Variants in ASB11 observed in about 807,000 individuals in gnomAD.
ASB11 encodes ankyrin repeat and SOCS box protein 11.
ASB11 carries 17 observed loss-of-function variants against 20.1 expected under a neutral mutation model. That is an observed-to-expected ratio of 0.85 (90% CI 0.58 to 1.27). The LOEUF is 1.27. Among genes scored for constraint, ASB11 ranks in the 50% most tolerant of loss-of-function variants. ASB11 has a pLI of 0.00. For missense variants in ASB11, 259 were observed against 256.9 expected, an observed-to-expected ratio of 1.01 and a Z score of -0.06; for synonymous variants, 107 against 105.6, an observed-to-expected ratio of 1.01 and a Z score of -0.08.
chrX:15,292,307 A>G (rs1228012615), intron 4 of ASB11, among the ~76,000 whole-genome samples: 1 of 112,048 alleles, frequency 8.9e-6, no homozygotes, highest in Non-Finnish European at 1.9e-5. Context: ...GAAATAAAAT[A>G]TTTCATCTCC....
In ASB11 at chrX:15,282,151, C is replaced by T. The variant is rs764550899; in HGVS notation, c.*1354G>A. Reference sequence around the variant, plus strand: ...GACAAATGTCTCAGTGGGAGTGGGGCAAAATTGTCTCCAGTTGAGAGCCAA... The same window carrying T: ...GACAAATGTCTCAGTGGGAGTGGGGTAAAATTGTCTCCAGTTGAGAGCCAA... On this transcript the variant is annotated 3_prime_UTR_variant, in exon 7 of 7. Transcript: ENST00000480796. The T allele has an allele frequency of 9.1e-6, 1 of 109,919 alleles. No individual in the cohort carries two copies. Among genetic ancestry groups the T allele is most frequent in the South Asian group, 3.9e-4 (1 of 2,533 alleles). The allele number at this position is 109,919 out of a possible 1,213,427, so 9.1% of individuals were successfully genotyped here.
rs979754018 is a variant in ASB11 at position 15,282,829 on chromosome X, A to G, written c.*676T>C. 1 of 106,710 alleles carries G rather than the reference A, an allele frequency of 9.4e-6. No individual in the cohort carries two copies. The highest frequency in any genetic ancestry group is 1.9e-5 in the Non-Finnish European group (1 of 52,089). The allele number at this position is 106,710 out of a possible 1,213,427, so 8.8% of individuals were successfully genotyped here. ...ATATATAAAGTCTATATAAATATATATAACTTTATATATAAAGAACTTTGA... is the reference window on the plus strand; with the variant it reads ...ATATATAAAGTCTATATAAATATATGTAACTTTATATATAAAGAACTTTGA... On this transcript the variant is annotated 3_prime_UTR_variant, in exon 7 of 7. Transcript: ENST00000480796.
chrX:15,314,283 A>G, intron 1 of ASB11: 1 of 1,048,311 alleles, frequency 9.5e-7, no homozygotes, highest in South Asian at 3.3e-5. Context: ...AAATTAGAAG[A>G]TAACTTTTCA....
At chrX:15,309,967 C>CAAAAAAAAAAAAAAAAAAAAAAAAAAA (rs60765469) in intron 1 of ASB11, among the ~76,000 whole-genome samples, 1 of 15,528 alleles carries the variant, frequency 6.4e-5, no homozygotes, top group African/African-American at 2.1e-4. Flanking sequence ...GACTCCGTCT[C>CAAAAAAAAAAAAAAAAAAAAAAAAAAA]AAAAAAAAAA....
chrX:15,288,134 AATAT>A lies in ASB11; in HGVS notation c.656-66_656-63del. 4.7e-6 allele frequency: 5 copies of A among 1,053,716 alleles called. No individual in the cohort carries two copies. In the South Asian group the frequency reaches 1.2e-4, roughly 25 times the overall value. The allele number at this position is 1,053,716 out of a possible 1,213,427, so 86.8% of individuals were successfully genotyped here. On this transcript the variant is annotated intron_variant, in intron 5 of 6. Transcript: ENST00000480796. Reference sequence around the variant, plus strand: ...GTAATGTAAAGCACAATGAGCTTCAAATATAGTCATTGCATATAAAGACATTTTA... The same window carrying A: ...GTAATGTAAAGCACAATGAGCTTCAAAGTCATTGCATATAAAGACATTTTA...
chrX:15,285,630 G>C (rs1259631682), intron 6 of ASB11, among the ~76,000 whole-genome samples: 1 of 111,708 alleles, frequency 9.0e-6, no homozygotes, highest in Non-Finnish European at 1.9e-5. Context: ...GTATTTCCAA[G>C]CTCGGATCTG....
chrX:15,289,458 C>A (rs776728636), intron 5 of ASB11, 46 bp downstream of exon 5: 10 of 1,112,354 alleles, frequency 9.0e-6, no homozygotes, highest in Non-Finnish European at 1.2e-5. Flanking sequence ...TGTAGAAAAT[C>A]AACAAAGTTA....
intron 6 of ASB11, among the ~76,000 whole-genome samples, chrX:15,287,233 C>T (rs1339975882): frequency 8.9e-6 from 1 of 112,871 alleles, no homozygotes; most frequent in Admixed American, 9.4e-5. Flanking sequence ...GATTGTCTCC[C>T]AATATTACAA....
intron 1 of ASB11, among the ~76,000 whole-genome samples, chrX:15,304,679 A>C (rs1335961303): frequency 8.9e-6 from 1 of 112,115 alleles, no homozygotes; most frequent in Non-Finnish European, 1.9e-5. Context: ...GGAGTTCGAG[A>C]CCAGCCTGGC....
rs1299977117 is a variant in ASB11, at chrX:15,308,562, A to C, written c.182-5755T>G. Among the ~76,000 whole-genome samples the C allele has an allele frequency of 2.5e-4, 28 of 111,182 alleles. No homozygotes were observed. In the Admixed American group the frequency reaches 2.7e-3, roughly 11 times the overall value. On this transcript the variant is annotated intron_variant, in intron 1 of 6. Transcript: ENST00000480796. ...TCTAAACTTGTATTGCTCCCAGAGT[A>C]CCCATCCCATAGCTTCCAGTGAAGG... is the stretch of plus-strand genomic sequence containing the variant.
At chrX:15,285,398 C>G (rs1161569674) in intron 6 of ASB11, among the ~76,000 whole-genome samples, 3 of 109,566 alleles carry the variant, frequency 2.7e-5, no homozygotes, top group Non-Finnish European at 5.7e-5. Flanking sequence ...CTGGGCCTCC[C>G]AAAGTGCTGG....
intron 2 of ASB11, among the ~76,000 whole-genome samples, chrX:15,302,203 G>A (rs934098959): frequency 1.8e-5 from 2 of 111,488 alleles, no homozygotes; most frequent in East Asian, 2.8e-4. Context: ...GATCCTGCCC[G>A]CCTTGAGCCA....
At chrX:15,300,784 G>A (rs184147671) in intron 2 of ASB11, among the ~76,000 whole-genome samples, 1 of 111,252 alleles carries the variant, frequency 9.0e-6, no homozygotes, top group East Asian at 2.8e-4. Flanking sequence ...CAGTGTATAT[G>A]GGAACTGTCT....
At chrX:15,283,990 C>T (rs1376391741) in intron 6 of ASB11, among the ~76,000 whole-genome samples, 2 of 110,905 alleles carry the variant, frequency 1.8e-5, no homozygotes, top group African/African-American at 6.6e-5. Flanking sequence ...CGGTGGCTCA[C>T]GCCTGTAATC....
At chrX:15,303,366 A>C (rs1228354295) in intron 1 of ASB11, among the ~76,000 whole-genome samples, 1 of 111,880 alleles carries the variant, frequency 8.9e-6, no homozygotes, top group Non-Finnish European at 1.9e-5. Flanking sequence ...TCACAAAAAA[A>C]TCTCGTAAGT....
intron 3 of ASB11, 98 bp downstream of exon 3, chrX:15,297,476 T>A: frequency 1.4e-6 from 1 of 710,989 alleles, no homozygotes; most frequent in Non-Finnish European, 2.1e-6. Flanking sequence ...GCCCAGCCCT[T>A]ACCCACAGTG....
At chrX:15,292,672 T>C (rs1927563219) in intron 4 of ASB11, among the ~76,000 whole-genome samples, 1 of 112,587 alleles carries the variant, frequency 8.9e-6, no homozygotes, top group Non-Finnish European at 1.9e-5. Flanking sequence ...ATTGTGTAAC[T>C]TATTATGAAC....
Position 15,315,492 on chromosome X carries a change from G to A in ASB11, c.114C>T (p.Phe38=). 8.4e-7 allele frequency: 1 copy of A among 1,186,037 alleles called. No homozygotes were observed. The highest frequency in any genetic ancestry group is 1.1e-6 in the Non-Finnish European group (1 of 885,486). ...IKVFLALLTH[F]YIVKGNRKEA... is the part of the protein sequence containing the mutation. Reference sequence around the variant, plus strand: ...CTTTTCTATTTCCTTTGACGATATAGAAATGGGTTAGGAGAGCCAAAAAAA... The same window carrying A: ...CTTTTCTATTTCCTTTGACGATATAAAAATGGGTTAGGAGAGCCAAAAAAA... The change falls in exon 1 of 7, where the codon TTC becomes TTT. Residue 38 remains phenylalanine, a synonymous_variant. Coordinates refer to ENST00000480796, the MANE Select transcript of ASB11 (RefSeq NM_080873.3).
chrX:15,287,274 T>G (rs530064632), intron 6 of ASB11, among the ~76,000 whole-genome samples: 1 of 113,156 alleles, frequency 8.8e-6, no homozygotes, highest in South Asian at 3.6e-4. Flanking sequence ...AATCATACGC[T>G]TATGCCAGGA....
Sources: allele counts gnomAD v4.1 joint callset (sites outside exome capture counted in the v4.1 genomes callset), GRCh38; gene constraint gnomAD v4.1.1; transcripts MANE v1.5; gene names NCBI Gene and HGNC (gene_info 2026-07-23, HGNC 2026-07-21).